Variants in SLC35F1 observed in about 807,000 individuals in gnomAD.
The protein encoded by SLC35F1 is solute carrier family 35 member F1.
SLC35F1 carries 14 observed loss-of-function variants against 48.7 expected under a neutral mutation model. The observed-to-expected ratio is 0.29, with a 90% CI of 0.19 to 0.45. The LOEUF (loss-of-function observed/expected upper bound fraction) is 0.45. Ranked by LOEUF, SLC35F1 falls within the 20% of genes least tolerant of loss-of-function variation. SLC35F1 has a pLI of 1.00. For synonymous variants in SLC35F1, 190 were observed against 202.2 expected (o/e 0.94, Z 0.51); for missense variants, 404 against 500.0 (o/e 0.81, Z 1.83).
At chr6:118,146,111 G>A (rs1014184338) in intron 1 of SLC35F1, among the ~76,000 whole-genome samples, 1 of 152,164 alleles carries the variant, frequency 6.6e-6, no homozygotes, top group African/African-American at 2.4e-5. Context: ...AGACAGGCCT[G>A]TATTATGGAG....
At chr6:118,091,969 T>C (rs2114345552) in intron 1 of SLC35F1, among the ~76,000 whole-genome samples, 1 of 152,166 alleles carries the variant, frequency 6.6e-6, no homozygotes, top group Middle Eastern at 3.4e-3. Flanking sequence ...AGAGATGATT[T>C]AGGGTATCTG....
intron 1 of SLC35F1, among the ~76,000 whole-genome samples, chr6:117,911,607 A>T (rs912194894): frequency 5.9e-5 from 9 of 151,868 alleles, no homozygotes; most frequent in South Asian, 2.1e-4. Context: ...GGCTATTTTT[A>T]AAAAATTTTT....
chr6:118,036,671 C>A (rs935757370), intron 1 of SLC35F1, among the ~76,000 whole-genome samples: 5 of 152,158 alleles, frequency 3.3e-5, no homozygotes, highest in Admixed American at 1.3e-4. Context: ...AATCCTCTCA[C>A]CTCAGCCTCC....
rs867167134 is a variant in SLC35F1 at position 118,316,406 on chromosome 6, T to C, written c.*2154T>C. ...TTTAAACCAATTAAATACCTTTCTC[T>C]GAATATTTTGTCCATTCAGATCCGA... is the stretch of plus-strand genomic sequence containing the variant. On this transcript the variant is annotated 3_prime_UTR_variant, in exon 8 of 8. Coordinates refer to ENST00000360388, the MANE Select transcript of SLC35F1 (RefSeq NM_001029858.4). 1 of 152,676 alleles carries C rather than the reference T, an allele frequency of 6.5e-6. No homozygotes were observed. Among genetic ancestry groups the C allele is most frequent in the African/African-American group, 2.4e-5 (1 of 41,464 alleles). The allele number at this position is 152,676 out of a possible 1,614,324, so 9.5% of individuals were successfully genotyped here. A position where few individuals can be genotyped will look rare whatever the true frequency, so the allele number is the denominator to read the frequency against.
intron 1 of SLC35F1, among the ~76,000 whole-genome samples, chr6:118,044,051 A>G (rs966881773): frequency 1.3e-5 from 2 of 152,232 alleles, no homozygotes; most frequent in Non-Finnish European, 1.5e-5. Context: ...GCAGCACTTT[A>G]TAGATGCCAG....
At chr6:118,233,233 G>C (rs1329794279) in intron 2 of SLC35F1, among the ~76,000 whole-genome samples, 1 of 152,198 alleles carries the variant, frequency 6.6e-6, no homozygotes, top group East Asian at 1.9e-4. Context: ...CCAAAGTGCT[G>C]GGATTACAGG....
chr6:118,229,794 A>G (rs1297799032), intron 2 of SLC35F1, among the ~76,000 whole-genome samples: 1 of 152,224 alleles, frequency 6.6e-6, no homozygotes, highest in African/African-American at 2.4e-5. Context: ...TAATTATCCT[A>G]TTAAGTGTTT....
intron 7 of SLC35F1, among the ~76,000 whole-genome samples, chr6:118,296,801 C>T (rs1776192292): frequency 6.6e-6 from 1 of 152,162 alleles, no homozygotes; most frequent in South Asian, 2.1e-4. Flanking sequence ...CAGGACAATG[C>T]CTGGAATGTG....
intron 2 of SLC35F1, among the ~76,000 whole-genome samples, chr6:118,162,913 C>T (rs1000611139): frequency 1.3e-5 from 2 of 151,948 alleles, no homozygotes; most frequent in African/African-American, 4.8e-5. Context: ...CTTATAGTAT[C>T]CAATAGTGCA....
At chr6:118,081,893 C>G (rs992467456) in intron 1 of SLC35F1, among the ~76,000 whole-genome samples, 1 of 152,114 alleles carries the variant, frequency 6.6e-6, no homozygotes, top group African/African-American at 2.4e-5. Flanking sequence ...ATGATTTACT[C>G]CAGTAGTTCT....
intron 1 of SLC35F1, among the ~76,000 whole-genome samples, chr6:117,928,201 GAAAT>G (rs1478672856): frequency 2.0e-5 from 3 of 152,146 alleles, no homozygotes; most frequent in African/African-American, 4.8e-5. Flanking sequence ...AAGAAAATGG[GAAAT>G]AAATGAGAGC....
intron 2 of SLC35F1, among the ~76,000 whole-genome samples, chr6:118,218,681 C>T (rs894658633): frequency 1.9e-4 from 29 of 152,192 alleles, no homozygotes; most frequent in African/African-American, 6.7e-4. Context: ...ACAAATGGGA[C>T]GTCATATTAA....
At chr6:117,932,588 G>C (rs1246463280) in intron 1 of SLC35F1, among the ~76,000 whole-genome samples, 1 of 152,170 alleles carries the variant, frequency 6.6e-6, no homozygotes, top group African/African-American at 2.4e-5. Flanking sequence ...CTCAAGCATA[G>C]AGGCTTTTCT....
rs188101870 is a variant in SLC35F1 at position 118,313,322 on chromosome 6, G to A, written c.1003-706G>A. 1.9e-4 allele frequency among the ~76,000 whole-genome samples: 29 copies of A among 152,244 alleles called. No homozygotes were observed. The East Asian group carries it at 4.4e-3, about 23-fold the overall frequency. ...TCCAAAAACATATGTAAATTCTTGC[G>A]ACTTGTGTAAACCAGTATTTTCTCT... On this transcript the variant is annotated intron_variant, in intron 7 of 7. Transcript: ENST00000360388.
At chr6:118,295,122 A>G (rs945297910) in intron 7 of SLC35F1, among the ~76,000 whole-genome samples, 3 of 152,134 alleles carry the variant, frequency 2.0e-5, no homozygotes, top group African/African-American at 7.2e-5. Context: ...CTAAAATTAT[A>G]TCTATCCCAT....
intron 1 of SLC35F1, among the ~76,000 whole-genome samples, chr6:118,117,099 G>A (rs1489604376): frequency 2.0e-5 from 3 of 152,152 alleles, no homozygotes; most frequent in African/African-American, 7.2e-5. Context: ...CATCTGAGGC[G>A]TTATGTAGGC....
intron 1 of SLC35F1, among the ~76,000 whole-genome samples, chr6:117,968,156 C>T (rs1776594826): frequency 6.6e-6 from 1 of 152,054 alleles, no homozygotes; most frequent in Non-Finnish European, 1.5e-5. Flanking sequence ...CAGACAGTAC[C>T]ATTCACTTTT....
At chr6:118,095,473 A>AT (rs200840330) in intron 1 of SLC35F1, among the ~76,000 whole-genome samples, 2,710 of 151,506 alleles carry the variant, frequency 0.018, 26 homozygotes, top group Admixed American at 0.037. Context: ...GCTTGACAGG[A>AT]TTTTTTTTTC....
At chr6:118,117,959 C>G (rs1773496227) in intron 1 of SLC35F1, among the ~76,000 whole-genome samples, 1 of 152,114 alleles carries the variant, frequency 6.6e-6, no homozygotes, top group Non-Finnish European at 1.5e-5. Context: ...GAATATAGCA[C>G]AATTTGCTTA....
Sources: gnomAD v4.1 joint callset for allele counts (sites outside exome capture counted in the v4.1 genomes callset) on GRCh38, gnomAD v4.1.1 for gene constraint, MANE v1.5 for transcripts, NCBI Gene and HGNC (gene_info 2026-07-23, HGNC 2026-07-21) for gene names.